MGAT5: variants seen among roughly 807,000 people sequenced by gnomAD.
MGAT5 encodes the protein alpha-1,6-mannosylglycoprotein 6-beta-N-acetylglucosaminyltransferase, also known as alpha-1,6-mannosylglycoprotein 6-beta-N-acetylglucosaminyltransferase A.
MGAT5 carries 30 observed loss-of-function variants against 94.3 expected under a neutral mutation model. The observed-to-expected ratio is 0.32, with a 90% confidence interval of 0.24 to 0.43. The LOEUF (loss-of-function observed/expected upper bound fraction) is 0.43, where lower values mean the gene tolerates loss of function less well. MGAT5 is among the 20% of genes least tolerant of loss of function. The pLI, the probability that MGAT5 is intolerant of heterozygous loss-of-function variation, is 1.00. For missense variants in MGAT5, 691 were observed against 905.5 expected, an observed-to-expected ratio of 0.76 and a Z score of 3.04; for synonymous variants, 310 against 322.9, an observed-to-expected ratio of 0.96 and a Z score of 0.43.
intron 13 of MGAT5, among the ~76,000 whole-genome samples, chr2:134,424,785 G>A (rs988446202): frequency 2.0e-5 from 3 of 152,186 alleles, no homozygotes; most frequent in Non-Finnish European, 4.4e-5. Flanking sequence ...ATCCTCCCTT[G>A]CCTCTTTCAG....
At chr2:134,232,352 G>T (rs1450474107) in intron 1 of MGAT5, among the ~76,000 whole-genome samples, 2 of 152,038 alleles carry the variant, frequency 1.3e-5, no homozygotes, top group Non-Finnish European at 2.9e-5. Flanking sequence ...ATTTGGTGGT[G>T]GTTCTTACTC....
intron 1 of MGAT5, among the ~76,000 whole-genome samples, chr2:134,170,901 C>T (rs2105113811): frequency 6.6e-6 from 1 of 151,536 alleles, no homozygotes; most frequent in Admixed American, 6.6e-5. Context: ...CTCTGTCACC[C>T]AGGCTGGAGT....
intron 1 of MGAT5, among the ~76,000 whole-genome samples, chr2:134,234,946 G>A (rs1681556251): frequency 1.3e-5 from 2 of 151,950 alleles, no homozygotes; most frequent in African/African-American, 4.8e-5. Context: ...TAGGGTGGTG[G>A]TTGTAAGGAA....
At chr2:134,130,991 G>C (rs950100035) in intron 1 of MGAT5, among the ~76,000 whole-genome samples, 1 of 152,240 alleles carries the variant, frequency 6.6e-6, no homozygotes, top group African/African-American at 2.4e-5. Flanking sequence ...CAGGCTGCCT[G>C]AGCTGGCACT....
chr2:134,340,444 T>C (rs1688560110), intron 6 of MGAT5, among the ~76,000 whole-genome samples: 3 of 152,116 alleles, frequency 2.0e-5, no homozygotes, highest in Admixed American at 2.0e-4. Context: ...GATGGGACAA[T>C]TGGATAGTCA....
chr2:134,266,395 A>AT (rs1683717845), intron 1 of MGAT5, among the ~76,000 whole-genome samples: 1 of 151,766 alleles, frequency 6.6e-6, no homozygotes, highest in South Asian at 2.1e-4. Context: ...TATTTTTTGT[A>AT]TTTTTTGGAG....
chr2:134,123,001 A>T (rs1399822557), intron 1 of MGAT5, among the ~76,000 whole-genome samples: 1 of 152,230 alleles, frequency 6.6e-6, no homozygotes, highest in Non-Finnish European at 1.5e-5. Context: ...ATATATTCCC[A>T]CATCTGTATA....
chr2:134,384,982 C>G (rs1681879911), intron 10 of MGAT5, among the ~76,000 whole-genome samples: 1 of 152,142 alleles, frequency 6.6e-6, no homozygotes, highest in African/African-American at 2.4e-5. Context: ...TGGAAGAGAA[C>G]TCCACAGAAG....
intron 9 of MGAT5, among the ~76,000 whole-genome samples, chr2:134,361,441 A>G (rs1680094228): frequency 6.6e-6 from 1 of 152,224 alleles, no homozygotes. Flanking sequence ...TGTTTAATCT[A>G]GAGAGAATTA....
intron 10 of MGAT5, among the ~76,000 whole-genome samples, chr2:134,373,359 T>C (rs1427811028): frequency 6.6e-6 from 1 of 152,140 alleles, no homozygotes; most frequent in Non-Finnish European, 1.5e-5. Flanking sequence ...CATTGCAAGA[T>C]TGTTTCCCTC....
chr2:134,286,978 A>G (rs1685049501), intron 2 of MGAT5, among the ~76,000 whole-genome samples: 1 of 152,184 alleles, frequency 6.6e-6, no homozygotes, highest in African/African-American at 2.4e-5. Context: ...GGTGTGGACC[A>G]CATTTCATCC....
chr2:134,299,260 C>T (rs569113304), intron 2 of MGAT5, among the ~76,000 whole-genome samples: 1 of 152,326 alleles, frequency 6.6e-6, no homozygotes, highest in Non-Finnish European at 1.5e-5. Flanking sequence ...ATGTGCATTT[C>T]TGCACACAAA....
At chr2:134,179,442 A>C (rs990478773) in intron 1 of MGAT5, among the ~76,000 whole-genome samples, 3 of 152,204 alleles carry the variant, frequency 2.0e-5, no homozygotes, top group Non-Finnish European at 4.4e-5. Flanking sequence ...TGTTGTGACC[A>C]GGGGCTCGCG....
At chr2:134,425,062 T>C (rs1684502598) in intron 13 of MGAT5, among the ~76,000 whole-genome samples, 1 of 152,184 alleles carries the variant, frequency 6.6e-6, no homozygotes, top group Non-Finnish European at 1.5e-5. Flanking sequence ...TAGTTAATGC[T>C]TGTACTCTTG....
chr2:134,415,618 A>G (rs549488266), intron 12 of MGAT5, among the ~76,000 whole-genome samples: 51 of 152,142 alleles, frequency 3.4e-4, no homozygotes, highest in African/African-American at 1.0e-3. Flanking sequence ...GAAGCTCTTT[A>G]GTTTGATGCA....
rs1574008204 is a variant in MGAT5, at chr2:134,396,101, G to A, written c.1381-6887G>A. Among the ~76,000 whole-genome samples, 8 of 152,284 alleles carry A rather than the reference G, an allele frequency of 5.3e-5. No individual in the cohort carries two copies. The South Asian group carries it at 1.7e-3, about 32-fold the overall frequency. On this transcript the variant is annotated intron_variant, in intron 10 of 15. Transcript: ENST00000281923. ...CCATCTTTTTCTCCTAGAGAGGTAAGGGTTTGGGAAGGAAGAGACAGAGGT... is the reference window on the plus strand; with the variant it reads ...CCATCTTTTTCTCCTAGAGAGGTAAAGGTTTGGGAAGGAAGAGACAGAGGT...
chr2:134,238,956 C>T (rs897234683), intron 1 of MGAT5, among the ~76,000 whole-genome samples: 19 of 152,100 alleles, frequency 1.2e-4, no homozygotes, highest in African/African-American at 4.3e-4. Context: ...CAAAAACAAA[C>T]AACAACAAAA....
At chr2:134,356,028 T>C (rs1481198842) in intron 9 of MGAT5, among the ~76,000 whole-genome samples, 1 of 152,228 alleles carries the variant, frequency 6.6e-6, no homozygotes, top group Non-Finnish European at 1.5e-5. Context: ...GCAAACTATG[T>C]TTGTATAGTT....
chr2:134,342,036 A>G (rs1333992814), intron 7 of MGAT5, among the ~76,000 whole-genome samples: 3 of 152,204 alleles, frequency 2.0e-5, no homozygotes. Context: ...AGGTGCTTCC[A>G]ACATCTGGAG....
Sources: gnomAD v4.1 joint callset for allele counts (sites outside exome capture counted in the v4.1 genomes callset) on GRCh38, gnomAD v4.1.1 for gene constraint, MANE v1.5 for transcripts, NCBI Gene and HGNC (gene_info 2026-07-23, HGNC 2026-07-21) for gene names.